NUP93: variants seen among roughly 807,000 people sequenced by gnomAD.
The protein encoded by NUP93 is nuclear pore complex protein Nup93.
In NUP93, 55 loss-of-function variants were observed where a neutral mutation model predicts 107.8. The ratio of observed to expected loss-of-function variants is 0.51; its 90% CI spans 0.41 to 0.64. NUP93 has a LOEUF of 0.64. NUP93 is among the 30% of genes least tolerant of loss of function. The pLI is 0.00. For missense variants in NUP93, 937 were observed against 1,044.7 expected (o/e 0.90, Z 1.42); for synonymous variants, 390 against 397.5 (o/e 0.98, Z 0.22).
intron 1 of NUP93, among the ~76,000 whole-genome samples, chr16:56,747,508 T>G (rs1961840083): frequency 1.3e-5 from 2 of 151,874 alleles, no homozygotes; most frequent in African/African-American, 4.8e-5. Context: ...CTCATTAACC[T>G]TGTAAGATAA....
At chr16:56,765,129 T>G (rs1329815061) in intron 3 of NUP93, among the ~76,000 whole-genome samples, 1 of 152,172 alleles carries the variant, frequency 6.6e-6, no homozygotes, top group Non-Finnish European at 1.5e-5. Context: ...CACAAAATGG[T>G]GATCTAGCCC....
rs1435996323 is a variant in NUP93, at chr16:56,848,202, G to A, written c.*3593G>A. 3 of 152,162 alleles carry A rather than the reference G, an allele frequency of 2.0e-5. No homozygotes were observed. The highest frequency in any genetic ancestry group is 7.2e-5 in the African/African-American group (3 of 41,448). 9.4% of individuals were successfully genotyped at this position (152,162 alleles called of 1,614,324 possible). A position where few individuals can be genotyped will look rare whatever the true frequency, so the allele number is the denominator to read the frequency against. On this transcript the variant is annotated 3_prime_UTR_variant, in exon 22 of 22. Transcript: ENST00000308159. Reference sequence around the variant, plus strand: ...ACTCAGGAAGTGACTTGAGCATGCTGAATGCTGAGTCAGAAAATGAACCCC... The same window carrying A: ...ACTCAGGAAGTGACTTGAGCATGCTAAATGCTGAGTCAGAAAATGAACCCC...
chr16:56,822,098 C>CA (rs71381135), intron 7 of NUP93, among the ~76,000 whole-genome samples: 2,691 of 51,652 alleles, frequency 0.052, 73 homozygotes, highest in African/African-American at 0.13. Flanking sequence ...CCATAAGGGG[C>CA]AAAAAAAAAA....
chr16:56,801,362 TTAAGA>T (rs1370309096), intron 4 of NUP93, among the ~76,000 whole-genome samples: 1 of 152,262 alleles, frequency 6.6e-6, no homozygotes, highest in African/African-American at 2.4e-5. Context: ...TCTAATGTAA[TTAAGA>T]TAAGCTGGGG....
chr16:56,803,878 A>C (rs1217183001), intron 4 of NUP93, among the ~76,000 whole-genome samples: 1 of 152,094 alleles, frequency 6.6e-6, no homozygotes, highest in East Asian at 1.9e-4. Context: ...CAGCCTCCCA[A>C]GTAGCTGGGA....
Position 56,768,605 on chromosome 16 carries a change from C to T in NUP93, c.297+9950C>T, listed in dbSNP as rs545784889. On this transcript the variant is annotated intron_variant, in intron 3 of 21. Coordinates refer to ENST00000308159, the MANE Select transcript of NUP93 (RefSeq NM_014669.5). ...TTTTTTGGCCAGGTGTGGTGGCTCA[C>T]GCCTGTAATCCCAGCACTTTGGAGG... 5.3e-4 allele frequency among the ~76,000 whole-genome samples: 80 copies of T among 150,800 alleles called. 1 individual carries two copies. Among genetic ancestry groups the T allele is most frequent in the African/African-American group, 1.4e-3 (59 of 41,006 alleles).
intron 5 of NUP93, among the ~76,000 whole-genome samples, chr16:56,808,847 CAT>C (rs559281657): frequency 6.8e-6 from 1 of 146,394 alleles, no homozygotes; most frequent in Non-Finnish European, 1.5e-5. Context: ...TATAAATACA[CAT>C]ATATATATGC....
intron 3 of NUP93, among the ~76,000 whole-genome samples, chr16:56,791,716 G>A (rs552795532): frequency 1.1e-3 from 170 of 152,324 alleles, no homozygotes; most frequent in South Asian, 5.2e-3. Flanking sequence ...GGAGAATCAA[G>A]TTAACCTTGA....
chr16:56,770,708 A>G (rs1463113850), intron 3 of NUP93, among the ~76,000 whole-genome samples: 1 of 152,054 alleles, frequency 6.6e-6, no homozygotes, highest in East Asian at 1.9e-4. Flanking sequence ...TGACAAGGAA[A>G]ATTGATAATA....
At position 56,812,196 on chromosome 16, in the gene NUP93, A is replaced by C. The variant is rs183126721; in HGVS notation, c.490-6468A>C. ...GGTAATTTAATATAAAGAGAGGCTCAAAGCTTTTTTTGTTTGTTTGTTTAG... is the reference window on the plus strand; with the variant it reads ...GGTAATTTAATATAAAGAGAGGCTCCAAGCTTTTTTTGTTTGTTTGTTTAG... On this transcript the variant is annotated intron_variant, in intron 5 of 21. Transcript: ENST00000308159. 3.9e-4 allele frequency among the ~76,000 whole-genome samples: 60 copies of C among 152,338 alleles called. 1 individual carries two copies. Among genetic ancestry groups the C allele is most frequent in the African/African-American group, 1.4e-3 (57 of 41,580 alleles).
chr16:56,791,068 A>G lies in NUP93; in HGVS notation c.298-7408A>G, dbSNP rs1184705134. Among the ~76,000 whole-genome samples, 5 of 152,172 alleles carry G rather than the reference A, an allele frequency of 3.3e-5. No individual in the cohort carries two copies. The East Asian group carries it at 7.7e-4, about 23-fold the overall frequency. On this transcript the variant is annotated intron_variant, in intron 3 of 21. Transcript: ENST00000308159. Reference sequence around the variant, plus strand: ...TACATATTAAAATGAGAGATGATACATGATTTTTGTAGCACCCGGCACCTA... The same window carrying G: ...TACATATTAAAATGAGAGATGATACGTGATTTTTGTAGCACCCGGCACCTA...
chr16:56,831,236 T>G (rs1013504329), intron 10 of NUP93, among the ~76,000 whole-genome samples: 5 of 152,346 alleles, frequency 3.3e-5, no homozygotes, highest in South Asian at 4.1e-4. Flanking sequence ...AAGCTCATAC[T>G]CAAACTGAGG....
chr16:56,818,581 A>G (rs1798880413), intron 5 of NUP93, 83 bp from the exon 6 acceptor site: 9 of 1,101,924 alleles, frequency 8.2e-6, no homozygotes, highest in Admixed American at 2.0e-5. Context: ...GTTAAAGACA[A>G]GAATATGTTT....
intron 3 of NUP93, among the ~76,000 whole-genome samples, chr16:56,784,099 C>T (rs1412065637): frequency 1.3e-5 from 2 of 151,914 alleles, no homozygotes; most frequent in Non-Finnish European, 2.9e-5. Flanking sequence ...AATTATTCAT[C>T]AGTAATTTAA....
chr16:56,756,112 A>G (rs1305263418), intron 2 of NUP93, among the ~76,000 whole-genome samples: 1 of 150,064 alleles, frequency 6.7e-6, no homozygotes, highest in East Asian at 2.0e-4. Flanking sequence ...GTTGAGACCC[A>G]CTCTTCTTTT....
At chr16:56,789,509 C>T (rs1437198489) in intron 3 of NUP93, among the ~76,000 whole-genome samples, 3 of 152,216 alleles carry the variant, frequency 2.0e-5, no homozygotes, top group Admixed American at 6.5e-5. Context: ...CATGTTATAT[C>T]GCCAAGGTCT....
At chr16:56,822,129 A>C (rs1381546813) in intron 7 of NUP93, among the ~76,000 whole-genome samples, 1 of 149,104 alleles carries the variant, frequency 6.7e-6, no homozygotes, top group Non-Finnish European at 1.5e-5. Flanking sequence ...GGGATGGATG[A>C]CTACTTGGTG....
intron 3 of NUP93, among the ~76,000 whole-genome samples, chr16:56,787,915 T>TA (rs1962664835): frequency 6.6e-6 from 1 of 152,174 alleles, no homozygotes; most frequent in South Asian, 2.1e-4. Flanking sequence ...TAGATCTATT[T>TA]ATACCTTGGG....
chr16:56,758,420 A>G (rs1415700287), intron 2 of NUP93, 118 bp from the exon 3 acceptor site: 10 of 753,464 alleles, frequency 1.3e-5, no homozygotes, highest in African/African-American at 5.2e-5. Flanking sequence ...TCTGGACAGT[A>G]TATAGGAAGT....
Sources: gnomAD v4.1 joint callset for allele counts (sites outside exome capture counted in the v4.1 genomes callset) on GRCh38, gnomAD v4.1.1 for gene constraint, MANE v1.5 for transcripts, NCBI Gene and HGNC (gene_info 2026-07-23, HGNC 2026-07-21) for gene names.